RNF31: variants seen among roughly 807,000 people sequenced by gnomAD.
The protein encoded by RNF31 is ring finger protein 31.
RNF31 carries 38 observed loss-of-function variants against 133.6 expected under a neutral mutation model. The ratio of observed to expected loss-of-function variants is 0.28; its 90% CI spans 0.22 to 0.37. The LOEUF (loss-of-function observed/expected upper bound fraction) is 0.37. Ranked by LOEUF, RNF31 falls within the 10% of genes least tolerant of loss-of-function variation. The pLI is 1.00. For synonymous variants in RNF31, 582 were observed against 552.3 expected, an observed-to-expected ratio of 1.05 and a Z score of -0.75; for missense variants, 1,118 against 1,394.1, an observed-to-expected ratio of 0.80 and a Z score of 3.15.
chr14:24,154,482 T>C (rs959964843), intron 11 of RNF31, among the ~76,000 whole-genome samples: 1 of 152,168 alleles, frequency 6.6e-6, no homozygotes, highest in Non-Finnish European at 1.5e-5. Context: ...TTCACAATGT[T>C]GGCCAGGCTG....
intron 18 of RNF31, 125 bp downstream of exon 18, chr14:24,158,324 C>T (rs1297612128): frequency 1.2e-6 from 1 of 842,186 alleles, no homozygotes; most frequent in Non-Finnish European, 1.9e-6. Context: ...TTAATTGAGA[C>T]CCAAGGCCTT....
At chr14:24,158,367 A>G (rs559845834) in intron 18 of RNF31, among the ~76,000 whole-genome samples, 168 bp downstream of exon 18, 1 of 152,386 alleles carries the variant, frequency 6.6e-6, no homozygotes, top group East Asian at 1.9e-4. Context: ...GGTAGTATCC[A>G]CCTTGCAGCT....
rs757779931 is a variant in RNF31 at position 24,147,868 on chromosome 14, T to C, written c.170T>C (p.Val57Ala). Residue 57 changes from valine (V) to alanine (A), a missense_variant, in exon 1 of 21, where the codon GTC becomes GCC. Around this residue, in one of 3 missense-constraint regions of RNF31, gnomAD observed 747 missense variants for 827.9 expected, o/e 0.90. Transcript: ENST00000324103. Reference protein sequence around the residue: ...RYLQLDAARLVRCNAHGEPRN... With the variant: ...RYLQLDAARLARCNAHGEPRN... Reference sequence around the variant, plus strand: ...CTGCAGCTGGACGCCGCACGCCTTGTCCGCTGCAACGCTCATGGGGAGGTG... The same window carrying C: ...CTGCAGCTGGACGCCGCACGCCTTGCCCGCTGCAACGCTCATGGGGAGGTG... The C allele has an allele frequency of 1.2e-6, 2 of 1,611,310 alleles. No individual in the cohort carries two copies. Among genetic ancestry groups the C allele is most frequent in the Non-Finnish European group, 8.5e-7 (1 of 1,179,706 alleles).
At chr14:24,148,762 C>T (rs1056432075) in intron 4 of RNF31, 39 bp from the exon 5 acceptor site, 4 of 1,613,306 alleles carry the variant, frequency 2.5e-6, no homozygotes, top group Middle Eastern at 1.6e-4. Flanking sequence ...GACTCTGTGT[C>T]CCTAAACCCT....
chr14:24,151,719 G>C lies in RNF31; in HGVS notation c.1923+49G>C. 1 of 1,602,528 alleles carries C rather than the reference G, an allele frequency of 6.2e-7. No individual in the cohort carries two copies. Among genetic ancestry groups the C allele is most frequent in the South Asian group, 1.1e-5 (1 of 90,748 alleles). Reference sequence around the variant, plus strand: ...CAAGGGTCCACCTAGAGGAGCAAGAGGGAGCTGAGGGGAAGGGTCCCTGGA... The same window carrying C: ...CAAGGGTCCACCTAGAGGAGCAAGACGGAGCTGAGGGGAAGGGTCCCTGGA... On this transcript the variant is annotated intron_variant, in intron 10 of 20. Transcript: ENST00000324103. This position sits in a 1 kb window ranked among gnomAD's most constrained non-coding sequence, Gnocchi z 5.3.
At position 24,155,570 on chromosome 14, in the gene RNF31, G is replaced by A. The variant is rs746186874; in HGVS notation, c.2404-33G>A. On this transcript the variant is annotated intron_variant, in intron 13 of 20. Transcript: ENST00000324103. The surrounding 1 kb of genome is among the most constrained non-coding windows in gnomAD (Gnocchi z 4.9). ...GGGGCAGGGGATGGTTCCAGGTCAG[G>A]CCTTTGATAACTTTATGCTCTTGCA... 2.4e-5 allele frequency: 38 copies of A among 1,613,634 alleles called. No homozygotes were observed. The highest frequency in any genetic ancestry group is 1.8e-4 in the Admixed American group (11 of 60,004).
intron 11 of RNF31, among the ~76,000 whole-genome samples, chr14:24,152,497 A>G (rs556360138): frequency 2.0e-5 from 3 of 152,106 alleles, no homozygotes; most frequent in Admixed American, 6.5e-5. Context: ...ATCTCGGCTC[A>G]CTGTAACCTC....
Position 24,155,337 on chromosome 14 carries a change from C to T in RNF31, c.2304+7C>T. On this transcript the variant is annotated splice_region_variant and intron_variant, in intron 12 of 20. Coordinates refer to ENST00000324103, the MANE Select transcript of RNF31 (RefSeq NM_017999.5). The surrounding 1 kb of genome is among the most constrained non-coding windows in gnomAD (Gnocchi z 4.9). Reference sequence around the variant, plus strand: ...CTCTACCCTTGACATCCAGGTACTGCAGCCCCTCTAGGACTCAGGTACCCT... The same window carrying T: ...CTCTACCCTTGACATCCAGGTACTGTAGCCCCTCTAGGACTCAGGTACCCT... 1.2e-6 allele frequency: 2 copies of T among 1,614,188 alleles called. No individual in the cohort carries two copies. Among genetic ancestry groups the T allele is most frequent in the Non-Finnish European group, 1.7e-6 (2 of 1,180,018 alleles).
chr14:24,157,315 G>T lies in RNF31; in HGVS notation c.2519G>T (p.Ser840Ile), dbSNP rs1379243809. The T allele has an allele frequency of 6.2e-7, 1 of 1,611,558 alleles. No individual in the cohort carries two copies. Among genetic ancestry groups the T allele is most frequent in the South Asian group, 1.1e-5 (1 of 90,958 alleles). Residue 840 changes from serine to isoleucine, a missense_variant, in exon 15 of 21, where the codon AGC becomes ATC. By Grantham distance (142) the Ser-to-Ile change is moderately radical. Around this residue, in one of 3 missense-constraint regions of RNF31, gnomAD observed 201 missense variants for 371.7 expected, o/e 0.54. Transcript: ENST00000324103. ...RQWEEQHRGRSCEDFQNWKRM... is the reference protein window; with the variant it reads ...RQWEEQHRGRICEDFQNWKRM... Reference sequence around the variant, plus strand: ...TGGGAGGAGCAGCACCGAGGTCGGAGCTGTGAGGACTTCCAGAACTGGAAA... The same window carrying T: ...TGGGAGGAGCAGCACCGAGGTCGGATCTGTGAGGACTTCCAGAACTGGAAA...
At position 24,151,319 on chromosome 14, in the gene RNF31, G is replaced by A; in HGVS notation, c.1677G>A (p.Leu559=). ...FSCQEARRAW[L]DRHGNLDEAV... ...GTCAGGAGGCCCGGAGAGCCTGGCT[G>A]GATCGTCATGGCAACCTTGATGAAG... The change falls in exon 9 of 21, where the codon CTG becomes CTA. Residue 559 remains leucine, a synonymous_variant. Coordinates refer to ENST00000324103, the MANE Select transcript of RNF31 (RefSeq NM_017999.5). This position sits in a 1 kb window ranked among gnomAD's most constrained non-coding sequence, Gnocchi z 5.3. 1 of 1,614,098 alleles carries A rather than the reference G, an allele frequency of 6.2e-7. No individual in the cohort carries two copies. Among genetic ancestry groups the A allele is most frequent in the East Asian group, 2.2e-5 (1 of 44,902 alleles).
chr14:24,147,867 G>T lies in RNF31; in HGVS notation c.169G>T (p.Val57Phe). The T allele has an allele frequency of 6.2e-7, 1 of 1,611,284 alleles. No individual in the cohort carries two copies. ...CCTGCAGCTGGACGCCGCACGCCTT[G>T]TCCGCTGCAACGCTCATGGGGAGGT... Reference protein sequence around the residue: ...RYLQLDAARLVRCNAHGEPRN... With the variant: ...RYLQLDAARLFRCNAHGEPRN... Residue 57 changes from valine (V) to phenylalanine (F), a missense_variant, in exon 1 of 21, where the codon GTC becomes TTC. By Grantham distance (50) the Val-to-Phe change is conservative (BLOSUM62 -1). Around this residue, in one of 3 missense-constraint regions of RNF31, gnomAD observed 747 missense variants for 827.9 expected, o/e 0.90. Transcript: ENST00000324103.
chr14:24,157,150 C>T, intron 14 of RNF31, 140 bp from the exon 15 acceptor site: 1 of 612,380 alleles, frequency 1.6e-6, no homozygotes, highest in Non-Finnish European at 2.9e-6. Flanking sequence ...GATGGCCTCT[C>T]ATTTTGAGAT....
In RNF31 at chr14:24,157,930, G is replaced by A; in HGVS notation, c.2760G>A (p.Lys920=). The change falls in exon 17 of 21, where the codon AAG becomes AAA. Residue 920 remains lysine (K), a synonymous_variant. Transcript: ENST00000324103. ...KCPEPNCRVK[K]SLHGHHPRDC... The stretch of plus-strand genomic sequence containing the variant: ...CAGAGCCTAACTGCAGGGTGAAAAA[G>A]TCCCTGCACGGCCACCACCCTCGAG... 2 of 1,614,106 alleles carry A rather than the reference G, an allele frequency of 1.2e-6. No individual in the cohort carries two copies. Among genetic ancestry groups the A allele is most frequent in the Admixed American group, 1.7e-5 (1 of 60,020 alleles).
Position 24,150,114 on chromosome 14 carries a change from G to C in RNF31, c.863G>C (p.Gly288Ala). 1 of 1,605,864 alleles carries C rather than the reference G, an allele frequency of 6.2e-7. No homozygotes were observed. Among genetic ancestry groups the C allele is most frequent in the Non-Finnish European group, 8.5e-7 (1 of 1,173,744 alleles). The change falls in exon 7 of 21, where the codon GGA (glycine) becomes GCA (alanine). Residue 288 changes from glycine (G) to alanine (A), a missense_variant. Around this residue, in one of 3 missense-constraint regions of RNF31, gnomAD observed 747 missense variants for 827.9 expected, o/e 0.90. Coordinates refer to ENST00000324103, the MANE Select transcript of RNF31 (RefSeq NM_017999.5). Reference sequence around the variant, plus strand: ...CAGTCGACCTCCCTGCTGGCCCTGGGAGACAGCTCTCTTTCTTCCCCTAAT... The same window carrying C: ...CAGTCGACCTCCCTGCTGGCCCTGGCAGACAGCTCTCTTTCTTCCCCTAAT... ...RPQSTSLLAL[G>A]DSSLSSPNPA... is the part of the protein sequence containing the mutation.
intron 19 of RNF31, 34 bp downstream of exon 19, chr14:24,159,994 G>A (rs1594386359): frequency 6.3e-7 from 1 of 1,593,834 alleles, no homozygotes; most frequent in Non-Finnish European, 8.6e-7. Context: ...ATGGTGTTGG[G>A]CAGTGGGTAG....
rs766282567 is a variant in RNF31, at chr14:24,147,820, C to T, written c.122C>T (p.Ser41Phe). The change falls in exon 1 of 21, where the codon TCT (serine) becomes TTT (phenylalanine). Residue 41 changes from serine to phenylalanine, a missense_variant. Physicochemically the swap from Ser to Phe is radical, Grantham distance 155. This residue lies in a region of RNF31 where 747 missense variants were observed against 827.9 expected (regional missense o/e 0.90). Transcript: ENST00000324103. ...LEQLRPLLAS[S>F]LPLAARYLQL... is the part of the protein sequence containing the mutation. ...CAGCTCCGGCCGCTACTAGCCAGCT[C>T]TCTGCCGCTAGCCGCCCGCTACCTG... 8.3e-5 allele frequency: 133 copies of T among 1,606,516 alleles called. No homozygotes were observed. Among genetic ancestry groups the T allele is most frequent in the Non-Finnish European group, 1.1e-4 (127 of 1,178,114 alleles).
Position 24,150,398 on chromosome 14 carries a change from A to G in RNF31, c.1147A>G (p.Ser383Gly), listed in dbSNP as rs753700667. ...CERPRLAQPPSLVVDSRDAGI... is the reference protein window; with the variant it reads ...CERPRLAQPPGLVVDSRDAGI... Reference sequence around the variant, plus strand: ...GCGACCTCGGCTGGCCCAGCCTCCCAGCTTGGTGGTGGATTCCCGAGATGC... The same window carrying G: ...GCGACCTCGGCTGGCCCAGCCTCCCGGCTTGGTGGTGGATTCCCGAGATGC... The change falls in exon 7 of 21, where the codon AGC becomes GGC. Residue 383 changes from serine to glycine, a missense_variant. Transcript: ENST00000324103. 3.7e-6 allele frequency: 6 copies of G among 1,613,252 alleles called. No homozygotes were observed. In the South Asian group the frequency reaches 6.6e-5, roughly 18 times the overall value.
Position 24,160,561 on chromosome 14 carries a change from C to T in RNF31, c.3207C>T (p.Arg1069=), listed in dbSNP as rs1402163576. ...TACCCTTGGGACAGAGTATCCCCCG[C>T]AGGCGGAAGTAGCTGAGGGCAAGGG... ...EEVPLGQSIP[R]RRK is the part of the protein sequence containing the mutation. The change falls in exon 21 of 21, where the codon CGC becomes CGT. Residue 1069 remains arginine (R), a synonymous_variant. Transcript: ENST00000324103. This position sits in a 1 kb window ranked among gnomAD's most constrained non-coding sequence, Gnocchi z 4.0. 1.3e-6 allele frequency: 2 copies of T among 1,535,410 alleles called. No individual in the cohort carries two copies. Among genetic ancestry groups the T allele is most frequent in the East Asian group, 2.3e-5 (1 of 43,906 alleles).
chr14:24,158,928 G>A (rs1400255039), intron 18 of RNF31, among the ~76,000 whole-genome samples: 2 of 151,478 alleles, frequency 1.3e-5, no homozygotes, highest in Non-Finnish European at 1.5e-5. Context: ...AGCTACTCGG[G>A]AGGCTGAGGC....
Sources: allele counts gnomAD v4.1 joint callset (sites outside exome capture counted in the v4.1 genomes callset), GRCh38; gene constraint gnomAD v4.1.1; regional missense constraint gnomAD v4.1.1; non-coding constraint Gnocchi (gnomAD v3.1); transcripts MANE v1.5; gene names NCBI Gene and HGNC (gene_info 2026-07-23, HGNC 2026-07-21).